Variants in TRAPPC3 observed in about 807,000 individuals in gnomAD.
TRAPPC3 encodes the protein trafficking protein particle complex 3.
Under a neutral mutation model 18.2 loss-of-function variants are expected in TRAPPC3, and 5 were observed. The observed-to-expected ratio is 0.28, with a 90% CI of 0.14 to 0.58. The LOEUF (loss-of-function observed/expected upper bound fraction) is 0.58. Among genes scored for constraint, TRAPPC3 ranks in the 20% least tolerant of loss-of-function variants. The pLI is 0.91. For synonymous variants in TRAPPC3, 65 were observed against 84.2 expected (o/e 0.77, Z 1.25); for missense variants, 176 against 225.9 (o/e 0.78, Z 1.41).
At chr1:36,144,382 T>C (rs992145346) in intron 1 of TRAPPC3, among the ~76,000 whole-genome samples, 2 of 149,694 alleles carry the variant, frequency 1.3e-5, no homozygotes, top group African/African-American at 2.5e-5. Flanking sequence ...TGGTGGCTCA[T>C]GCCTATAATC....
chr1:36,144,198 G>A lies in TRAPPC3; in HGVS notation c.43-4032C>T, dbSNP rs767246502. Among the ~76,000 whole-genome samples the A allele has an allele frequency of 2.8e-4, 40 of 143,514 alleles. 1 individual carries two copies. Among genetic ancestry groups the A allele is most frequent in the Non-Finnish European group, 3.7e-4 (25 of 67,050 alleles). The allele number at this position is 143,514 out of a possible 152,430, so 94.2% of individuals were successfully genotyped here. A position where few individuals can be genotyped will look rare whatever the true frequency, so the allele number is the denominator to read the frequency against. The stretch of plus-strand genomic sequence containing the variant: ...AGCTACTTGGGAGGCTGTGGCAGGA[G>A]AATTGCTTGAACCCAGGAGGCGGAG... On this transcript the variant is annotated intron_variant, in intron 1 of 4. Coordinates refer to ENST00000373166, the MANE Select transcript of TRAPPC3 (RefSeq NM_014408.5).
chr1:36,143,329 C>T (rs1183065150), intron 1 of TRAPPC3, among the ~76,000 whole-genome samples: 1 of 152,174 alleles, frequency 6.6e-6, no homozygotes, highest in African/African-American at 2.4e-5. Context: ...ATGAAGATAT[C>T]TGGATAGATA....
chr1:36,147,012 G>A (rs947107409), intron 1 of TRAPPC3, among the ~76,000 whole-genome samples: 1 of 152,222 alleles, frequency 6.6e-6, no homozygotes, highest in Non-Finnish European at 1.5e-5. Flanking sequence ...GCTATGTGGA[G>A]TGTACTTTCA....
upstream of TRAPPC3, among the ~76,000 whole-genome samples, chr1:36,151,484 C>T (rs1644271395): frequency 6.6e-6 from 1 of 152,072 alleles, no homozygotes; most frequent in Non-Finnish European, 1.5e-5. Context: ...GTGGTGTGCA[C>T]CTCTGGCCCC....
At chr1:36,151,916 G>A (rs1442988080), upstream of TRAPPC3, among the ~76,000 whole-genome samples, 1 of 152,172 alleles carries the variant, frequency 6.6e-6, no homozygotes, top group African/African-American at 2.4e-5. Flanking sequence ...GGGGCAGCTG[G>A]CATCACCAGC....
At chr1:36,150,767 G>A (rs1025346445), upstream of TRAPPC3, among the ~76,000 whole-genome samples, 4 of 152,238 alleles carry the variant, frequency 2.6e-5, no homozygotes, top group Non-Finnish European at 5.9e-5. Flanking sequence ...GCCAAGGGCC[G>A]AGGGCTCTGG....
rs1644047456 is a variant in TRAPPC3 at position 36,137,786 on chromosome 1, T to TTGC, written c.423+7_423+9dup. The TTGC allele has an allele frequency of 6.2e-7, 1 of 1,611,496 alleles. No homozygotes were observed. Among genetic ancestry groups the TTGC allele is most frequent in the Non-Finnish European group, 8.5e-7 (1 of 1,178,836 alleles). Reference sequence around the variant, plus strand: ...TTCGGGTGTCCCAGAAGATAAAGAGTTGCACTCACCATCTCCAAAGCTCCC... The same window carrying TTGC: ...TTCGGGTGTCCCAGAAGATAAAGAGTTGCTGCACTCACCATCTCCAAAGCTCCC... On this transcript the variant is annotated intron_variant, in intron 4 of 4. Transcript: ENST00000373166.
At chr1:36,144,686 G>A (rs1644167394) in intron 1 of TRAPPC3, among the ~76,000 whole-genome samples, 1 of 152,224 alleles carries the variant, frequency 6.6e-6, no homozygotes, top group African/African-American at 2.4e-5. Context: ...CTGCTTAACA[G>A]CTGTGAGTAC....
At chr1:36,149,112 C>G (rs10752586) in intron 1 of TRAPPC3, 1,100,646 of 1,432,992 alleles carry the variant, frequency 0.77, 424,594 homozygotes, top group East Asian at 0.91. Context: ...GTTGGCTTAG[C>G]ACAGAGCTGC....
chr1:36,139,998 C>A, intron 2 of TRAPPC3, 71 bp downstream of exon 2: 1 of 1,481,160 alleles, frequency 6.8e-7, no homozygotes, highest in Non-Finnish European at 9.1e-7. Flanking sequence ...GTTTTAAGCT[C>A]TAAAGGACAA....
rs1443155505 is a variant in TRAPPC3, at chr1:36,139,531, G to T, written c.240+189C>A. The T allele has an allele frequency of 5.8e-6, 4 of 694,714 alleles. No homozygotes were observed. In the African/African-American group the frequency reaches 7.2e-5, roughly 13 times the overall value. The allele number at this position is 694,714 out of a possible 1,614,324, so 43.0% of individuals were successfully genotyped here. A position where few individuals can be genotyped will look rare whatever the true frequency, so the allele number is the denominator to read the frequency against. On this transcript the variant is annotated intron_variant, in intron 3 of 4. Coordinates refer to ENST00000373166, the MANE Select transcript of TRAPPC3 (RefSeq NM_014408.5). Reference sequence around the variant, plus strand: ...AAAGCTCAGGCTTTGATTTCAGTGGGGCTTTAATCCACAGGGATTAAATAA... The same window carrying T: ...AAAGCTCAGGCTTTGATTTCAGTGGTGCTTTAATCCACAGGGATTAAATAA...
intron 1 of TRAPPC3, 74 bp from the exon 2 acceptor site, chr1:36,140,240 T>C (rs1644088187): frequency 1.2e-6 from 1 of 853,524 alleles, no homozygotes; most frequent in African/African-American, 1.7e-5. Flanking sequence ...TGGACCAGCC[T>C]TGATGCAACT....
intron 1 of TRAPPC3, among the ~76,000 whole-genome samples, chr1:36,148,714 C>T (rs1644236063): frequency 6.6e-6 from 1 of 152,178 alleles, no homozygotes; most frequent in Non-Finnish European, 1.5e-5. Flanking sequence ...GGGAGCCACC[C>T]ACTCCATTAG....
chr1:36,147,742 T>C (rs181359300), intron 1 of TRAPPC3, among the ~76,000 whole-genome samples: 17 of 152,254 alleles, frequency 1.1e-4, no homozygotes, highest in African/African-American at 3.4e-4. Context: ...TGAGTAACTA[T>C]GAATGAAGGC....
At chr1:36,151,508 G>T (rs1221134024), upstream of TRAPPC3, among the ~76,000 whole-genome samples, 1 of 152,124 alleles carries the variant, frequency 6.6e-6, no homozygotes, top group Non-Finnish European at 1.5e-5. Flanking sequence ...CTACTAGGAA[G>T]GTTAAGGTGG....
At chr1:36,147,513 G>A (rs1644219135) in intron 1 of TRAPPC3, among the ~76,000 whole-genome samples, 1 of 151,702 alleles carries the variant, frequency 6.6e-6, no homozygotes. Context: ...GCATGGTGGT[G>A]CACACCTATA....
At chr1:36,138,005 T>G (rs1396142580) in intron 3 of TRAPPC3, 27 bp from the exon 4 acceptor site, 1 of 1,611,628 alleles carries the variant, frequency 6.2e-7, no homozygotes, top group Admixed American at 1.7e-5. Flanking sequence ...AACAGCACTT[T>G]GGGGAAGAGC....
chr1:36,155,948 A>C (rs954694034), exon 1 of TRAPPC3: 1 of 153,666 alleles, frequency 6.5e-6, no homozygotes, highest in African/African-American at 2.4e-5. Context: ...AGCGCGGCGA[A>C]CTCCTGGAGC....
At chr1:36,146,071 C>T (rs112049199) in intron 1 of TRAPPC3, among the ~76,000 whole-genome samples, 8 of 152,090 alleles carry the variant, frequency 5.3e-5, no homozygotes, top group African/African-American at 1.7e-4. Context: ...AGCCACAGCA[C>T]CCGGCCTTTT....
Sources: gnomAD v4.1 joint callset for allele counts (sites outside exome capture counted in the v4.1 genomes callset) on GRCh38, gnomAD v4.1.1 for gene constraint, MANE v1.5 for transcripts, NCBI Gene and HGNC (gene_info 2026-07-23, HGNC 2026-07-21) for gene names.